Variants in UVRAG observed in about 807,000 individuals in gnomAD.
UVRAG encodes the protein UV radiation resistance-associated gene protein.
Under a neutral mutation model 78.0 loss-of-function variants are expected in UVRAG, and 19 were observed. That is an observed-to-expected ratio of 0.24 (90% CI 0.17 to 0.36). UVRAG has a LOEUF of 0.36. Ranked by LOEUF, UVRAG falls within the 10% of genes least tolerant of loss-of-function variation. UVRAG has a pLI of 1.00. For synonymous variants in UVRAG, 323 were observed against 324.6 expected (o/e 1.00, Z 0.05); for missense variants, 740 against 853.8 (o/e 0.87, Z 1.66).
chr11:76,115,661 A>G (rs1952164668), intron 13 of UVRAG, among the ~76,000 whole-genome samples: 1 of 152,166 alleles, frequency 6.6e-6, no homozygotes, highest in African/African-American at 2.4e-5. Flanking sequence ...AGTCTTCTCT[A>G]AGTTTAGGGG....
At chr11:75,858,701 G>T (rs1218001706) in intron 2 of UVRAG, among the ~76,000 whole-genome samples, 1 of 152,204 alleles carries the variant, frequency 6.6e-6, no homozygotes, top group African/African-American at 2.4e-5. Flanking sequence ...CTCCGTGGGA[G>T]TTGTTTTATG....
intron 6 of UVRAG, among the ~76,000 whole-genome samples, chr11:75,960,344 T>C (rs1230612993): frequency 6.6e-6 from 1 of 152,184 alleles, no homozygotes; most frequent in East Asian, 1.9e-4. Flanking sequence ...CTTGCTAAAT[T>C]AACTTATTAA....
At chr11:76,001,019 C>T (rs551447035) in intron 8 of UVRAG, among the ~76,000 whole-genome samples, 2 of 152,260 alleles carry the variant, frequency 1.3e-5, no homozygotes, top group East Asian at 1.9e-4. Context: ...TGATAGCATA[C>T]CACTCCACTG....
At chr11:75,851,690 A>C (rs974463056) in intron 1 of UVRAG, among the ~76,000 whole-genome samples, 193 bp from the exon 2 acceptor site, 1 of 152,210 alleles carries the variant, frequency 6.6e-6, no homozygotes, top group African/African-American at 2.4e-5. Flanking sequence ...CTTGTAAATG[A>C]GATAGGGCAG....
chr11:76,012,608 T>C (rs1166667511), intron 11 of UVRAG, among the ~76,000 whole-genome samples: 1 of 152,172 alleles, frequency 6.6e-6, no homozygotes, highest in African/African-American at 2.4e-5. Context: ...GGATAGACTT[T>C]ATGCTGCATG....
intron 13 of UVRAG, among the ~76,000 whole-genome samples, chr11:76,073,385 A>G (rs916152009): frequency 2.6e-5 from 4 of 152,198 alleles, no homozygotes; most frequent in African/African-American, 9.6e-5. Flanking sequence ...CATTTTCTCA[A>G]AACTGAATGA....
intron 5 of UVRAG, among the ~76,000 whole-genome samples, chr11:75,893,819 T>C (rs998454749): frequency 2.7e-5 from 4 of 150,664 alleles, no homozygotes; most frequent in Non-Finnish European, 5.9e-5. Context: ...CTCTAGCCTA[T>C]GTGACAGAAA....
chr11:76,094,516 A>G (rs895901958), intron 13 of UVRAG, among the ~76,000 whole-genome samples: 3 of 152,192 alleles, frequency 2.0e-5, no homozygotes, highest in African/African-American at 7.2e-5. Flanking sequence ...TAGGCTATCA[A>G]TTATTGCCTC....
intron 8 of UVRAG, among the ~76,000 whole-genome samples, chr11:75,985,055 A>G (rs1344439479): frequency 6.6e-6 from 1 of 152,088 alleles, no homozygotes; most frequent in Non-Finnish European, 1.5e-5. Context: ...CTTCAGCTCT[A>G]GTAGATTGTG....
intron 6 of UVRAG, among the ~76,000 whole-genome samples, chr11:75,958,406 G>T (rs550301878): frequency 6.6e-6 from 1 of 152,232 alleles, no homozygotes; most frequent in Admixed American, 6.5e-5. Context: ...TTTCAACAGT[G>T]TTTATAGCTT....
intron 14 of UVRAG, among the ~76,000 whole-genome samples, chr11:76,138,093 G>A (rs575466696): frequency 7.9e-5 from 12 of 152,296 alleles, no homozygotes; most frequent in Middle Eastern, 3.4e-3. Context: ...CAAAGCCTTG[G>A]AGTCCATCCA....
chr11:75,895,876 A>T (rs1051603833), intron 5 of UVRAG, among the ~76,000 whole-genome samples: 1 of 152,030 alleles, frequency 6.6e-6, no homozygotes, highest in Non-Finnish European at 1.5e-5. Context: ...GTGATTCATG[A>T]TTTTTTTTCC....
In UVRAG at chr11:75,922,562, G is replaced by A. The variant is rs140756887; in HGVS notation, c.593+10523G>A. Among the ~76,000 whole-genome samples the A allele has an allele frequency of 4.9e-3, 753 of 152,252 alleles. 4 individuals are homozygous for A. The highest frequency in any genetic ancestry group is 0.017 in the African/African-American group (689 of 41,540). ...AACCTTCTGGAACTTTCAGAATAAT[G>A]TTGAAAAGTAATAGGCATTGTGACC... On this transcript the variant is annotated intron_variant, in intron 6 of 14. Transcript: ENST00000356136.
intron 12 of UVRAG, among the ~76,000 whole-genome samples, chr11:76,053,627 CTG>C (rs566842997): frequency 3.3e-4 from 50 of 152,270 alleles, no homozygotes; most frequent in Admixed American, 6.5e-4. Context: ...ATTTACCACA[CTG>C]TAGCCAGTCT....
intron 9 of UVRAG, among the ~76,000 whole-genome samples, chr11:76,005,110 G>A (rs1050103913): frequency 3.9e-5 from 6 of 152,114 alleles, no homozygotes; most frequent in African/African-American, 1.4e-4. Flanking sequence ...TTGGGAGGCC[G>A]AGGCAGGCAG....
At chr11:76,092,862 G>A (rs1951727368) in intron 13 of UVRAG, among the ~76,000 whole-genome samples, 1 of 152,052 alleles carries the variant, frequency 6.6e-6, no homozygotes, top group African/African-American at 2.4e-5. Context: ...TGTCTATTTT[G>A]GCTTTTGTTG....
chr11:75,907,157 A>T (rs1295958424), intron 5 of UVRAG, among the ~76,000 whole-genome samples: 1 of 152,182 alleles, frequency 6.6e-6, no homozygotes, highest in Non-Finnish European at 1.5e-5. Context: ...TGAACATGGG[A>T]TGCCATTTTA....
At chr11:76,028,172 G>A (rs1229934510) in intron 12 of UVRAG, among the ~76,000 whole-genome samples, 2 of 151,940 alleles carry the variant, frequency 1.3e-5, no homozygotes, top group Admixed American at 6.6e-5. Context: ...GATCTTTCAT[G>A]TTATTGTTGT....
intron 12 of UVRAG, among the ~76,000 whole-genome samples, chr11:76,051,034 G>A (rs1218147131): frequency 1.3e-5 from 2 of 152,280 alleles, no homozygotes; most frequent in Middle Eastern, 3.4e-3. Flanking sequence ...TTGAGTACCT[G>A]TTATCAGCAC....
Sources: gnomAD v4.1 joint callset for allele counts (sites outside exome capture counted in the v4.1 genomes callset) on GRCh38, gnomAD v4.1.1 for gene constraint, MANE v1.5 for transcripts, NCBI Gene and HGNC (gene_info 2026-07-23, HGNC 2026-07-21) for gene names.